Variants in TMEM178B observed in about 807,000 individuals in gnomAD.
The protein encoded by TMEM178B is transmembrane protein 178B.
A neutral mutation model predicts 31.0 loss-of-function variants in TMEM178B; 5 were observed. The observed-to-expected ratio is 0.16, with a 90% confidence interval of 0.08 to 0.34. TMEM178B has a LOEUF of 0.34. Among genes scored for constraint, TMEM178B ranks in the 10% least tolerant of loss-of-function variants. The probability of loss-of-function intolerance (pLI) is 1.00; values close to 1 mark genes in which losing one functional copy is unlikely to be tolerated. For missense variants in TMEM178B, 275 were observed against 400.3 expected (o/e 0.69, Z 2.67); for synonymous variants, 164 against 164.0 (o/e 1.00, Z 0.00).
intron 3 of TMEM178B, among the ~76,000 whole-genome samples, chr7:141,450,869 G>T (rs1801850708): frequency 1.3e-5 from 2 of 152,188 alleles, no homozygotes; most frequent in Non-Finnish European, 2.9e-5. Context: ...TTGGAGTCAT[G>T]CAGTTAAGTA....
chr7:141,464,944 T>C (rs1225004196), intron 3 of TMEM178B, among the ~76,000 whole-genome samples: 1 of 152,186 alleles, frequency 6.6e-6, no homozygotes, highest in Non-Finnish European at 1.5e-5. Flanking sequence ...CATGTTGTTG[T>C]TACACCACGA....
chr7:141,158,210 C>T (rs1205628805), intron 1 of TMEM178B, among the ~76,000 whole-genome samples: 1 of 152,200 alleles, frequency 6.6e-6, no homozygotes, highest in African/African-American at 2.4e-5. Flanking sequence ...ATTCTCTTGC[C>T]TCAGCCCCCC....
At chr7:141,149,242 T>C (rs1795913192) in intron 1 of TMEM178B, among the ~76,000 whole-genome samples, 1 of 152,140 alleles carries the variant, frequency 6.6e-6, no homozygotes, top group African/African-American at 2.4e-5. Context: ...CTGGCACCTG[T>C]GAATGTGACC....
At chr7:141,496,106 T>G in the TMEM178B span, among the ~76,000 whole-genome samples, 2 of 152,190 alleles carry the variant, frequency 1.3e-5, no homozygotes, top group African/African-American at 4.8e-5. Flanking sequence ...AAAGAGCTCC[T>G]AAGCTCTGGG....
chr7:141,197,017 A>G (rs942826693), intron 1 of TMEM178B, among the ~76,000 whole-genome samples: 1 of 152,164 alleles, frequency 6.6e-6, no homozygotes, highest in Admixed American at 6.5e-5. Flanking sequence ...TGTCTCCTAG[A>G]CGTTCATTTC....
intron 2 of TMEM178B, among the ~76,000 whole-genome samples, chr7:141,358,533 C>T (rs1799862227): frequency 6.6e-6 from 1 of 152,148 alleles, no homozygotes; most frequent in South Asian, 2.1e-4. Flanking sequence ...GTTCCCTAAA[C>T]CAACTCTTTG....
chr7:141,257,954 T>A (rs2116353747), intron 2 of TMEM178B, among the ~76,000 whole-genome samples: 1 of 151,942 alleles, frequency 6.6e-6, no homozygotes, highest in African/African-American at 2.4e-5. Context: ...AAATAGATAT[T>A]TTCTAGCATA....
intron 1 of TMEM178B, among the ~76,000 whole-genome samples, chr7:141,138,049 T>G (rs1486805307): frequency 1.3e-5 from 2 of 151,512 alleles, no homozygotes; most frequent in African/African-American, 4.8e-5. Context: ...TCATGAGATC[T>G]CTTTTAAAAT....
In TMEM178B at chr7:141,192,081, A is replaced by C. The variant is rs547322038; in HGVS notation, c.383-20510A>C. ...GTTTACTGAATATCATTTATTAAAT[A>C]AACCATCATTTCCCTTACTGATTTG... On this transcript the variant is annotated intron_variant, in intron 1 of 3. Coordinates refer to ENST00000565468, the MANE Select transcript of TMEM178B (RefSeq NM_001195278.2). Among the ~76,000 whole-genome samples, 183 of 152,358 alleles carry C rather than the reference A, an allele frequency of 1.2e-3. 3 individuals carry two copies. In the South Asian group the frequency reaches 0.03, roughly 25 times the overall value.
chr7:141,504,809 C>T, the TMEM178B span, among the ~76,000 whole-genome samples: 1 of 152,138 alleles, frequency 6.6e-6, no homozygotes, highest in South Asian at 2.1e-4. Flanking sequence ...GTATATTGTA[C>T]CCAACAAAAC....
chr7:141,084,099 C>T (rs1794738197), intron 1 of TMEM178B, among the ~76,000 whole-genome samples: 1 of 152,196 alleles, frequency 6.6e-6, no homozygotes, highest in South Asian at 2.1e-4. Flanking sequence ...GCCACCACGC[C>T]CAGCCTATTC....
chr7:141,458,503 T>C (rs371306568), intron 3 of TMEM178B, among the ~76,000 whole-genome samples: 95 of 152,334 alleles, frequency 6.2e-4, no homozygotes, highest in African/African-American at 2.2e-3. Context: ...TGAAGGGTCC[T>C]GAGTAAGCAC....
At chr7:141,103,062 A>G (rs893207815) in intron 1 of TMEM178B, among the ~76,000 whole-genome samples, 1 of 152,180 alleles carries the variant, frequency 6.6e-6, no homozygotes, top group Non-Finnish European at 1.5e-5. Flanking sequence ...GAGCCCAAAG[A>G]TACCCAGAGT....
At chr7:141,404,525 G>A (rs922054615) in intron 2 of TMEM178B, among the ~76,000 whole-genome samples, 3 of 152,024 alleles carry the variant, frequency 2.0e-5, no homozygotes, top group Admixed American at 6.6e-5. Flanking sequence ...TGCTCTTCAC[G>A]TGATCCTCTT....
At chr7:141,324,577 C>T (rs557457852) in intron 2 of TMEM178B, among the ~76,000 whole-genome samples, 1 of 151,752 alleles carries the variant, frequency 6.6e-6, no homozygotes, top group Admixed American at 6.6e-5. Flanking sequence ...CGTTGGGATG[C>T]AGCATCCCAT....
At chr7:141,360,837 A>T (rs555689466) in intron 2 of TMEM178B, among the ~76,000 whole-genome samples, 1 of 152,318 alleles carries the variant, frequency 6.6e-6, no homozygotes, top group East Asian at 1.9e-4. Flanking sequence ...TGTACTGATA[A>T]GTAAGAATCA....
At chr7:141,280,894 A>G (rs529752233) in intron 2 of TMEM178B, among the ~76,000 whole-genome samples, 3 of 152,306 alleles carry the variant, frequency 2.0e-5, no homozygotes, top group Non-Finnish European at 2.9e-5. Flanking sequence ...TTTTCCTGCA[A>G]AGCATTCTGG....
intron 2 of TMEM178B, among the ~76,000 whole-genome samples, chr7:141,303,254 T>A (rs1453524445): frequency 6.6e-6 from 1 of 152,168 alleles, no homozygotes; most frequent in African/African-American, 2.4e-5. Context: ...ATTGGAAATG[T>A]GTCTAGCTGG....
intron 2 of TMEM178B, among the ~76,000 whole-genome samples, chr7:141,307,079 C>T (rs1329355323): frequency 1.3e-5 from 2 of 152,130 alleles, no homozygotes; most frequent in Non-Finnish European, 2.9e-5. Context: ...CAGCCCTTCA[C>T]ACCATGTTGA....
Sources: gnomAD v4.1 joint callset for allele counts (sites outside exome capture counted in the v4.1 genomes callset) on GRCh38, gnomAD v4.1.1 for gene constraint, MANE v1.5 for transcripts, NCBI Gene and HGNC (gene_info 2026-07-23, HGNC 2026-07-21) for gene names.